Variants in LARGE1 observed in about 807,000 individuals in gnomAD.
The protein encoded by LARGE1 is xylosyl- and glucuronyltransferase LARGE1.
Under a neutral mutation model 87.6 loss-of-function variants are expected in LARGE1, and 43 were observed. The ratio of observed to expected loss-of-function variants is 0.49; its 90% CI spans 0.38 to 0.63. The LOEUF (loss-of-function observed/expected upper bound fraction) is 0.63. LARGE1 is among the 30% of genes least tolerant of loss of function. LARGE1 has a pLI of 0.00. For missense variants in LARGE1, 802 were observed against 1,000.2 expected (o/e 0.80, Z 2.67); for synonymous variants, 434 against 394.6 (o/e 1.10, Z -1.18).
chr22:33,569,391 A>C (rs2078126879), intron 5 of LARGE1, among the ~76,000 whole-genome samples: 1 of 152,208 alleles, frequency 6.6e-6, no homozygotes, highest in Admixed American at 6.5e-5. Context: ...TACAGGAATA[A>C]ATTAATCTCA....
chr22:33,099,298 G>T, the LARGE1 span, among the ~76,000 whole-genome samples: 1 of 152,156 alleles, frequency 6.6e-6, no homozygotes, highest in East Asian at 1.9e-4. Context: ...TTGTTGCCCA[G>T]GCTGGAGTGC....
intron 6 of LARGE1, among the ~76,000 whole-genome samples, chr22:33,528,361 G>C (rs1297174020): frequency 6.6e-6 from 1 of 152,132 alleles, no homozygotes; most frequent in Non-Finnish European, 1.5e-5. Flanking sequence ...AATTTATGCT[G>C]ATCAGGGTGA....
intron 3 of LARGE1, among the ~76,000 whole-genome samples, chr22:33,642,550 G>A (rs1177762046): frequency 6.6e-6 from 1 of 151,920 alleles, no homozygotes; most frequent in Non-Finnish European, 1.5e-5. Context: ...AACCTTAAAT[G>A]TAAATGGGCT....
intron 9 of LARGE1, 64 bp from the exon 10 acceptor site, chr22:33,337,865 T>C: frequency 6.6e-7 from 1 of 1,525,080 alleles, no homozygotes; most frequent in Non-Finnish European, 9.1e-7. Flanking sequence ...CTCACACCTG[T>C]AGGAAGCCAT....
chr22:33,403,623 G>A (rs939009570), intron 7 of LARGE1, among the ~76,000 whole-genome samples: 1 of 151,200 alleles, frequency 6.6e-6, no homozygotes, highest in Non-Finnish European at 1.5e-5. Context: ...TTTTTTTTGA[G>A]ACGGAGTTTC....
At chr22:33,457,948 C>T (rs2068207916) in intron 6 of LARGE1, among the ~76,000 whole-genome samples, 1 of 152,114 alleles carries the variant, frequency 6.6e-6, no homozygotes, top group Non-Finnish European at 1.5e-5. Context: ...AATCTTTCAG[C>T]ATCTTTTACT....
chr22:33,648,930 A>G (rs2080705308), intron 3 of LARGE1, among the ~76,000 whole-genome samples: 1 of 152,198 alleles, frequency 6.6e-6, no homozygotes, highest in African/African-American at 2.4e-5. Context: ...CACGAGTGCA[A>G]TATGTTTGCT....
intron 9 of LARGE1, among the ~76,000 whole-genome samples, chr22:33,372,582 C>T (rs2147020420): frequency 6.6e-6 from 1 of 152,158 alleles, no homozygotes; most frequent in Non-Finnish European, 1.5e-5. Context: ...CTCGTAAGAC[C>T]TATTTACTAC....
At chr22:33,710,089 G>A (rs921683484) in intron 2 of LARGE1, among the ~76,000 whole-genome samples, 1 of 151,002 alleles carries the variant, frequency 6.6e-6, no homozygotes, top group African/African-American at 2.4e-5. Context: ...ACAAATGTCT[G>A]TTTGAGTAGC....
At chr22:33,767,205 C>T (rs866014862) in intron 1 of LARGE1, among the ~76,000 whole-genome samples, 1 of 150,588 alleles carries the variant, frequency 6.6e-6, no homozygotes, top group African/African-American at 2.4e-5. Context: ...GCCTGTAATC[C>T]CAGCTACTGG....
chr22:33,598,448 T>C (rs955495948), intron 5 of LARGE1, among the ~76,000 whole-genome samples: 2 of 152,230 alleles, frequency 1.3e-5, no homozygotes, highest in Admixed American at 1.3e-4. Context: ...TGGGTATACA[T>C]GTGCTATGGT....
At chr22:33,604,395 C>A (rs1362759878) in intron 5 of LARGE1, 40 bp downstream of exon 5, 1 of 1,613,396 alleles carries the variant, frequency 6.2e-7, no homozygotes. Context: ...ACGCTTCCAG[C>A]TAGAGGAGAT....
At chr22:33,900,901 G>C (rs2146895943) in intron 1 of LARGE1, among the ~76,000 whole-genome samples, 1 of 152,272 alleles carries the variant, frequency 6.6e-6, no homozygotes, top group Middle Eastern at 3.4e-3. Context: ...ACAAAAATTA[G>C]CTGGGCATGG....
rs186560147 is a variant in LARGE1 at position 33,845,371 on chromosome 22, C to T, written c.-83+74624G>A. ...TTGCCCAGGCTGGAGTGTAATGGCA[C>T]GATCTCAGCTCACCGCAACCTCTAC... On this transcript the variant is annotated intron_variant, in intron 1 of 14. Transcript: ENST00000397394. 1.7e-4 allele frequency among the ~76,000 whole-genome samples: 26 copies of T among 152,250 alleles called. No homozygotes were observed. The East Asian group carries it at 3.1e-3, about 18-fold the overall frequency.
intron 3 of LARGE1, among the ~76,000 whole-genome samples, chr22:33,630,230 AAAAC>A (rs933861014): frequency 5.5e-4 from 84 of 152,118 alleles, no homozygotes; most frequent in African/African-American, 1.9e-3. Flanking sequence ...CGAAAACCAA[AAAAC>A]AAACAAACAA....
rs559109295 is a variant in LARGE1 at position 33,192,314 on chromosome 22, G to T, written c.1731-25482C>A. 8.1e-4 allele frequency among the ~76,000 whole-genome samples: 124 copies of T among 152,174 alleles called. 1 individual carries two copies. The highest frequency in any genetic ancestry group is 1.8e-3 in the Admixed American group (28 of 15,276). On this transcript the variant is annotated intron_variant, in intron 11 of 11. Transcript: ENST00000608642. ...AACTCAACCCTCAAATCTCCTTGAT[G>T]CTTTATTGGAACCACTGCCTATTAA...
At chr22:33,139,985 G>C in the LARGE1 span, among the ~76,000 whole-genome samples, 2 of 152,242 alleles carry the variant, frequency 1.3e-5, no homozygotes, top group Non-Finnish European at 2.9e-5. Flanking sequence ...GGGCTGGAGG[G>C]CTGCCTCTGG....
chr22:33,470,526 C>T (rs1304112867), intron 6 of LARGE1, among the ~76,000 whole-genome samples: 2 of 152,212 alleles, frequency 1.3e-5, no homozygotes, highest in Non-Finnish European at 2.9e-5. Context: ...CCACGTTCTC[C>T]TCTCTGTCAA....
At chr22:33,432,776 G>C (rs1402427499) in intron 6 of LARGE1, among the ~76,000 whole-genome samples, 2 of 152,180 alleles carry the variant, frequency 1.3e-5, no homozygotes, top group Non-Finnish European at 2.9e-5. Context: ...TGTTTGCTGA[G>C]ACGAGAGCCC....
Sources: allele counts gnomAD v4.1 joint callset (sites outside exome capture counted in the v4.1 genomes callset), GRCh38; gene constraint gnomAD v4.1.1; transcripts MANE v1.5; gene names NCBI Gene and HGNC (gene_info 2026-07-23, HGNC 2026-07-21).